DGKG: variants seen among roughly 807,000 people sequenced by gnomAD.
DGKG encodes the protein diacylglycerol kinase gamma, also known as DAG kinase gamma.
DGKG carries 78 observed loss-of-function variants against 105.3 expected under a neutral mutation model. The ratio of observed to expected loss-of-function variants is 0.74; its 90% CI spans 0.62 to 0.89. The LOEUF (loss-of-function observed/expected upper bound fraction) is 0.89. Ranked by LOEUF, DGKG falls within the 40% of genes least tolerant of loss-of-function variation. The pLI, the probability that DGKG is intolerant of heterozygous loss-of-function variation, is 0.00. For synonymous variants in DGKG, 346 were observed against 367.1 expected, an observed-to-expected ratio of 0.94 and a Z score of 0.66; for missense variants, 958 against 1,020.1, an observed-to-expected ratio of 0.94 and a Z score of 0.83.
chr3:186,256,575 C>G (rs1207488665), intron 17 of DGKG, among the ~76,000 whole-genome samples: 1 of 152,224 alleles, frequency 6.6e-6, no homozygotes, highest in Non-Finnish European at 1.5e-5. Flanking sequence ...TCCTCCTTTG[C>G]TCAAAACCAT....
chr3:186,288,245 C>T (rs1578781070), intron 6 of DGKG, among the ~76,000 whole-genome samples: 1 of 152,150 alleles, frequency 6.6e-6, no homozygotes, highest in East Asian at 1.9e-4. Context: ...AAAGGCTTAT[C>T]AAGACAGAGG....
intron 20 of DGKG, among the ~76,000 whole-genome samples, chr3:186,234,527 C>G (rs1409806271): frequency 2.6e-5 from 4 of 152,166 alleles, no homozygotes; most frequent in Non-Finnish European, 5.9e-5. Flanking sequence ...GATTATCTGG[C>G]CTATAGTCTT....
intron 1 of DGKG, among the ~76,000 whole-genome samples, chr3:186,325,331 C>T (rs998412971): frequency 6.6e-6 from 1 of 152,164 alleles, no homozygotes; most frequent in Non-Finnish European, 1.5e-5. Flanking sequence ...ATCATTCATA[C>T]TCCAAAGTCA....
rs375556558 is a variant in DGKG at position 186,288,805 on chromosome 3, C to G, written c.449G>C (p.Arg150Pro). 3.1e-6 allele frequency: 5 copies of G among 1,612,948 alleles called. No homozygotes were observed. Among genetic ancestry groups the G allele is most frequent in the African/African-American group, 2.7e-5 (2 of 74,818 alleles). The change falls in exon 6 of 25, where the codon CGG becomes CCG. Residue 150 changes from arginine to proline, a missense_variant. By Grantham distance (103) the Arg-to-Pro change is moderately radical (BLOSUM62 -2). Around this residue, in one of 2 missense-constraint regions of DGKG, gnomAD observed 643 missense variants for 619.5 expected, o/e 1.04. Transcript: ENST00000265022. The stretch of plus-strand genomic sequence containing the variant: ...CACTGGGGATTCCGAGCTTGAAGAC[C>G]GAGGGACGGGGGGTTCCAGGGGGGT... ...AATPLEPPVP[R>P]SSSSESPVVY... is the part of the protein sequence containing the mutation.
At chr3:186,331,704 C>T (rs571314812) in intron 1 of DGKG, among the ~76,000 whole-genome samples, 2 of 152,252 alleles carry the variant, frequency 1.3e-5, no homozygotes, top group African/African-American at 4.8e-5. Flanking sequence ...CTGTCTTTGG[C>T]ACAGGCAGGC....
At position 186,148,915 on chromosome 3, in the gene DGKG, G is replaced by GTT; in HGVS notation, c.*1173_*1174dup. On this transcript the variant is annotated 3_prime_UTR_variant, in exon 25 of 25. Coordinates refer to ENST00000265022, the MANE Select transcript of DGKG (RefSeq NM_001346.3). Reference sequence around the variant, plus strand: ...CCACTTTCTGTCTCATACTACCTATGTTTTTTTTTTCCAATGAGGAAAAGT... The same window carrying GTT: ...CCACTTTCTGTCTCATACTACCTATGTTTTTTTTTTTTCCAATGAGGAAAAGT... The GTT allele has an allele frequency of 1.0e-5, 9 of 889,744 alleles. No individual in the cohort carries two copies. Among genetic ancestry groups the GTT allele is most frequent in the African/African-American group, 1.9e-5 (1 of 54,030 alleles). 55.1% of individuals were successfully genotyped at this position (889,744 alleles called of 1,614,324 possible). A position where few individuals can be genotyped will look rare whatever the true frequency, so the allele number is the denominator to read the frequency against.
intron 14 of DGKG, chr3:186,262,081 T>A: frequency 3.8e-6 from 1 of 260,944 alleles, no homozygotes; most frequent in Non-Finnish European, 7.4e-6. Flanking sequence ...CAAGATGAAA[T>A]TTTGTGGGAG....
At chr3:186,277,281 C>T (rs1722631711) in intron 9 of DGKG, among the ~76,000 whole-genome samples, 1 of 152,214 alleles carries the variant, frequency 6.6e-6, no homozygotes, top group South Asian at 2.1e-4. Context: ...TTATTCCATT[C>T]CAGATGCCGG....
chr3:186,322,522 C>T (rs1054565720), intron 1 of DGKG, among the ~76,000 whole-genome samples: 3 of 152,094 alleles, frequency 2.0e-5, no homozygotes, highest in African/African-American at 4.8e-5. Flanking sequence ...AGCAAACCCC[C>T]GTGACATGTG....
At chr3:186,247,541 C>T (rs143648516) in intron 19 of DGKG, among the ~76,000 whole-genome samples, 4 of 152,334 alleles carry the variant, frequency 2.6e-5, no homozygotes, top group African/African-American at 9.6e-5. Flanking sequence ...ACCTACTTCT[C>T]TTACAAAGTT....
intron 21 of DGKG, among the ~76,000 whole-genome samples, chr3:186,198,797 T>A (rs1718305811): frequency 6.6e-6 from 1 of 152,178 alleles, no homozygotes; most frequent in South Asian, 2.1e-4. Context: ...GAGAAAGTAC[T>A]GGGAGTCAAA....
chr3:186,346,188 A>T (rs1726323554), intron 1 of DGKG, among the ~76,000 whole-genome samples: 1 of 152,294 alleles, frequency 6.6e-6, no homozygotes, highest in South Asian at 2.1e-4. Flanking sequence ...TTGACTTTTG[A>T]TAGAATACTC....
At chr3:186,338,185 A>G (rs115627850) in intron 1 of DGKG, among the ~76,000 whole-genome samples, 2,794 of 151,392 alleles carry the variant, frequency 0.018, 91 homozygotes, top group African/African-American at 0.063. Context: ...AAAAAAAAAA[A>G]AAAGAAAGAA....
chr3:186,310,062 T>G (rs545255916), intron 2 of DGKG, among the ~76,000 whole-genome samples: 2 of 134,828 alleles, frequency 1.5e-5, no homozygotes, highest in Admixed American at 7.4e-5. Flanking sequence ...AGGTCAGGAG[T>G]TCAAGACCAG....
intron 1 of DGKG, among the ~76,000 whole-genome samples, chr3:186,341,174 T>G (rs187950476): frequency 6.4e-4 from 98 of 152,354 alleles, no homozygotes; most frequent in Middle Eastern, 3.4e-3. Context: ...TTGTTCTTTC[T>G]GCTGATCATT....
At chr3:186,268,711 G>A (rs1578752693) in intron 12 of DGKG, 90 bp downstream of exon 12, 2 of 902,656 alleles carry the variant, frequency 2.2e-6, no homozygotes, top group Middle Eastern at 2.2e-4. Flanking sequence ...CTTTGCTCAT[G>A]CCCTCTGGCC....
Position 186,272,687 on chromosome 3 carries a change from C to T in DGKG, c.911-344G>A, listed in dbSNP as rs144454845. Among the ~76,000 whole-genome samples the T allele has an allele frequency of 3.4e-3, 516 of 152,300 alleles. 5 individuals carry two copies. The highest frequency in any genetic ancestry group is 0.011 in the African/African-American group (475 of 41,558). ...TATGCCAGTGCCACTGTATTGCATGCCCGGGACATTGGAAAATGAATAGAA... is the reference window on the plus strand; with the variant it reads ...TATGCCAGTGCCACTGTATTGCATGTCCGGGACATTGGAAAATGAATAGAA... On this transcript the variant is annotated intron_variant, in intron 10 of 24. Coordinates refer to ENST00000265022, the MANE Select transcript of DGKG (RefSeq NM_001346.3).
intron 1 of DGKG, among the ~76,000 whole-genome samples, chr3:186,351,314 G>A (rs76301761): frequency 7.2e-5 from 11 of 152,102 alleles, no homozygotes; most frequent in Non-Finnish European, 1.6e-4. Flanking sequence ...AATCATGGAA[G>A]GTAAGAGTTA....
At chr3:186,259,164 C>T (rs149483389) in intron 16 of DGKG, among the ~76,000 whole-genome samples, 18 of 152,358 alleles carry the variant, frequency 1.2e-4, no homozygotes, top group Non-Finnish European at 2.1e-4. Flanking sequence ...GGCAGCTTGT[C>T]TGATTAGAGA....
Sources: gnomAD v4.1 joint callset for allele counts (sites outside exome capture counted in the v4.1 genomes callset) on GRCh38, gnomAD v4.1.1 for gene constraint, gnomAD v4.1.1 regional missense constraint, MANE v1.5 for transcripts, NCBI Gene and HGNC (gene_info 2026-07-23, HGNC 2026-07-21) for gene names.